UPP2: variants seen among roughly 807,000 people sequenced by gnomAD.
The protein encoded by UPP2 is uridine phosphorylase 2.
Under a neutral mutation model 26.7 loss-of-function variants are expected in UPP2, and 23 were observed. The observed-to-expected ratio is 0.86, with a 90% confidence interval of 0.62 to 1.22. UPP2 has a LOEUF of 1.22. Ranked by LOEUF, UPP2 falls within the 50% of genes most tolerant of loss-of-function variation. The pLI is 0.00. For synonymous variants in UPP2, 127 were observed against 141.3 expected (o/e 0.90, Z 0.72); for missense variants, 387 against 396.7 (o/e 0.98, Z 0.21).
chr2:158,015,816 C>T (rs1683649213), exon 3 of UPP2: 1 of 453,538 alleles, frequency 2.2e-6, no homozygotes, highest in Non-Finnish European at 4.4e-6. Flanking sequence ...CCTGCTTCCC[C>T]TTCAACTTCC....
At chr2:158,067,997 GTTA>G (rs958032653) in intron 3 of UPP2, among the ~76,000 whole-genome samples, 4 of 151,998 alleles carry the variant, frequency 2.6e-5, no homozygotes, top group Non-Finnish European at 4.4e-5. Flanking sequence ...CATTGCTACT[GTTA>G]TTATTATTAG....
At chr2:158,062,337 G>A (rs906454124) in intron 3 of UPP2, among the ~76,000 whole-genome samples, 8 of 152,182 alleles carry the variant, frequency 5.3e-5, no homozygotes, top group African/African-American at 1.9e-4. Flanking sequence ...TGTGGCTAGT[G>A]GCTACCATAT....
intron 3 of UPP2, among the ~76,000 whole-genome samples, chr2:158,060,103 C>T (rs1365313066): frequency 6.6e-6 from 1 of 152,076 alleles, no homozygotes; most frequent in East Asian, 1.9e-4. Context: ...TGTGTGTACA[C>T]ACATGCATGC....
At chr2:158,066,482 C>A (rs16841677) in intron 3 of UPP2, among the ~76,000 whole-genome samples, 18,813 of 152,214 alleles carry the variant, frequency 0.12, 1,446 homozygotes, top group East Asian at 0.32. Flanking sequence ...ATCCCAGGAA[C>A]TATGAACACT....
chr2:158,057,363 A>G (rs142718097), intron 3 of UPP2, among the ~76,000 whole-genome samples: 1 of 152,288 alleles, frequency 6.6e-6, no homozygotes, highest in Non-Finnish European at 1.5e-5. Flanking sequence ...TCTGTGTGGA[A>G]GATTTGTCTG....
upstream of UPP2, among the ~76,000 whole-genome samples, chr2:158,098,473 T>A (rs1683021995): frequency 6.6e-6 from 1 of 152,088 alleles, no homozygotes; most frequent in East Asian, 1.9e-4. Flanking sequence ...GCCAGCTGCA[T>A]CTCAGTGAGC....
intron 3 of UPP2, among the ~76,000 whole-genome samples, chr2:158,057,750 T>TTAATTTCTTTTTTTGTTGTTC (rs1682270734): frequency 6.6e-6 from 1 of 151,844 alleles, no homozygotes; most frequent in Non-Finnish European, 1.5e-5. Context: ...TTTTGTTTTT[T>TTAATTTCTTTTTTTGTTGTTC]AACTTCTTTT....
intron 3 of UPP2, among the ~76,000 whole-genome samples, chr2:158,023,711 G>T (rs1683791774): frequency 6.6e-6 from 1 of 151,992 alleles, no homozygotes; most frequent in African/African-American, 2.4e-5. Context: ...CCTTCTAACT[G>T]CCTTTTGCTG....
intron 3 of UPP2, among the ~76,000 whole-genome samples, chr2:158,063,966 T>A (rs1002903167): frequency 2.0e-5 from 3 of 152,260 alleles, no homozygotes; most frequent in Admixed American, 6.5e-5. Context: ...ATGGTGTATA[T>A]GTGCCAATTT....
intron 3 of UPP2, among the ~76,000 whole-genome samples, chr2:158,089,356 T>G (rs1682870069): frequency 6.6e-6 from 1 of 152,154 alleles, no homozygotes; most frequent in Admixed American, 6.5e-5. Context: ...TGAGTTTGTT[T>G]CCAGGCAGTG....
rs1163314572 is a variant in UPP2 at position 158,055,991 on chromosome 2, G to A, written c.147+40105G>A. Among the ~76,000 whole-genome samples the A allele has an allele frequency of 3.3e-5, 5 of 152,262 alleles. No individual in the cohort carries two copies. The South Asian group carries it at 6.2e-4, about 19-fold the overall frequency. ...GGTTAACAAGACCTAAAAGATTCAC[G>A]TGTGAGGAAAGGAGAGGAAGGAGAC... On this transcript the variant is annotated intron_variant, in intron 3 of 9. Coordinates refer to the UPP2 transcript ENST00000605860.
At position 158,134,917 on chromosome 2, in the gene UPP2, C is replaced by T; in HGVS notation, c.*27C>T. The T allele has an allele frequency of 1.3e-6, 2 of 1,589,508 alleles. 1 individual carries two copies. Among genetic ancestry groups the T allele is most frequent in the South Asian group, 2.3e-5 (2 of 87,250 alleles). On this transcript the variant is annotated 3_prime_UTR_variant, in exon 7 of 7. Transcript: ENST00000005756. ...CGTCCTAACTGGGCAGCCCAACCCT[C>T]CCCTGCAAGTTTGTAGCTCAAGTTG...
chr2:158,053,229 G>A (rs1351297025), intron 3 of UPP2, among the ~76,000 whole-genome samples: 2 of 152,132 alleles, frequency 1.3e-5, no homozygotes, highest in Non-Finnish European at 2.9e-5. Context: ...GAAAGATGTA[G>A]CCTTTCTAAC....
chr2:158,032,226 A>G (rs554307482), intron 3 of UPP2, among the ~76,000 whole-genome samples: 160 of 152,116 alleles, frequency 1.1e-3, no homozygotes, highest in Non-Finnish European at 1.5e-3. Flanking sequence ...AACTTAATAA[A>G]ACTTATAGCT....
intron 2 of UPP2, among the ~76,000 whole-genome samples, chr2:158,012,686 T>C (rs749164239): frequency 4.6e-5 from 7 of 152,182 alleles, no homozygotes; most frequent in Admixed American, 6.5e-5. Context: ...CAAATATTTT[T>C]ATTATAAATT....
chr2:158,108,100 A>G (rs1683233312), intron 2 of UPP2, among the ~76,000 whole-genome samples: 1 of 152,190 alleles, frequency 6.6e-6, no homozygotes, highest in Admixed American at 6.5e-5. Context: ...ACAGCTGGTT[A>G]ATACATTTAA....
At chr2:158,120,027 A>T (rs1004014563) in intron 4 of UPP2, among the ~76,000 whole-genome samples, 4 of 151,588 alleles carry the variant, frequency 2.6e-5, no homozygotes, top group African/African-American at 9.7e-5. Context: ...AAAAAATAAA[A>T]ATAAAAATAA....
intron 3 of UPP2, among the ~76,000 whole-genome samples, chr2:158,081,502 G>GAGAT (rs1263251121): frequency 1.3e-5 from 2 of 152,164 alleles, no homozygotes; most frequent in Admixed American, 1.3e-4. Flanking sequence ...GTCTACCAAA[G>GAGAT]AGATAGCTGC....
intron 2 of UPP2, among the ~76,000 whole-genome samples, chr2:157,995,628 A>T (rs73968517): frequency 0.099 from 14,890 of 150,652 alleles, 1,013 homozygotes; most frequent in East Asian, 0.19. Flanking sequence ...CATAATTTTT[A>T]AAAAAAAATA....
Sources: allele counts gnomAD v4.1 joint callset (sites outside exome capture counted in the v4.1 genomes callset), GRCh38; gene constraint gnomAD v4.1.1; transcripts MANE v1.5; gene names NCBI Gene and HGNC (gene_info 2026-07-23, HGNC 2026-07-21).